The following ATM variants were observed in gnomAD, a reference collection of about 807,000 sequenced individuals.
The protein encoded by ATM is serine-protein kinase ATM.
In ATM, 308 loss-of-function variants were observed where a neutral mutation model predicts 387.0. That is an observed-to-expected ratio of 0.80 (90% CI 0.73 to 0.87). The LOEUF (loss-of-function observed/expected upper bound fraction) is 0.87, where lower values mean the gene tolerates loss of function less well. Among genes scored for constraint, ATM ranks in the 40% least tolerant of loss-of-function variants. ATM has a pLI of 0.00. For synonymous variants in ATM, 1,156 were observed against 1,187.3 expected (o/e 0.97, Z 0.54); for missense variants, 3,312 against 3,560.9 (o/e 0.93, Z 1.78).
Position 108,319,875 on chromosome 11 carries a change from C to T in ATM, c.6348-79C>T, listed in dbSNP as rs549855899. 5.6e-5 allele frequency: 55 copies of T among 990,510 alleles called. No individual in the cohort carries two copies. The South Asian group carries it at 7.9e-4, about 14-fold the overall frequency. The allele number at this position is 990,510 out of a possible 1,614,324, so 61.4% of individuals were successfully genotyped here. ...AGAAATGTTAATTTAAAAATTTTGT[C>T]CTTTGGTGAAGCTATTTATACATGT... On this transcript the variant is annotated intron_variant, in intron 43 of 62. Transcript: ENST00000675843.
In ATM at chr11:108,356,929, C is replaced by G. The variant is rs187840949; in HGVS notation, c.8850+2055C>G. Among the ~76,000 whole-genome samples the G allele has an allele frequency of 9.2e-5, 14 of 152,262 alleles. No homozygotes were observed. In the East Asian group the frequency reaches 2.7e-3, roughly 29 times the overall value. On this transcript the variant is annotated intron_variant, in intron 61 of 62. Coordinates refer to ENST00000675843, the MANE Select transcript of ATM (RefSeq NM_000051.4). ...TAACTGTCACCTTTAAACACACCCTCCGGGAGGAGGAGCCAAGATGGCCGA... is the reference window on the plus strand; with the variant it reads ...TAACTGTCACCTTTAAACACACCCTGCGGGAGGAGGAGCCAAGATGGCCGA...
intron 59 of ATM, among the ~76,000 whole-genome samples, chr11:108,349,112 G>A (rs1054214923): frequency 6.6e-6 from 1 of 152,172 alleles, no homozygotes; most frequent in Non-Finnish European, 1.5e-5. Context: ...CCTTGGAAAG[G>A]CTGAGCCAGA....
rs2135686331 is a variant in ATM, at chr11:108,282,706, G to A, written c.3577-4G>A. 6.2e-7 allele frequency: 1 copy of A among 1,612,036 alleles called. No individual in the cohort carries two copies. The highest frequency in any genetic ancestry group is 1.3e-5 in the African/African-American group (1 of 74,890). ...TTAACACATTGACTTTTTGGTTCGT[G>A]CAGGTTTTAGAGAAAGTTTCTGAAA... On this transcript the variant is annotated splice_region_variant and splice_polypyrimidine_tract_variant and intron_variant, in intron 24 of 62. Transcript: ENST00000675843.
chr11:108,244,692 G>GT (rs1221843492), intron 6 of ATM, 96 bp from the exon 7 acceptor site: 2,874 of 940,658 alleles, frequency 3.1e-3, no homozygotes, highest in Non-Finnish European at 3.8e-3. Flanking sequence ...TTAGGGTTTT[G>GT]TTTTTTTTTC....
At chr11:108,336,006 A>G (rs2086811343) in intron 56 of ATM, 45 bp downstream of exon 56, 1 of 1,472,898 alleles carries the variant, frequency 6.8e-7, no homozygotes, top group African/African-American at 1.4e-5. Flanking sequence ...CATATAAAAG[A>G]TGCCATTTGG....
chr11:108,366,046 A>AG lies in ATM; in HGVS notation c.*538_*539insG, dbSNP rs2091308924. On this transcript the variant is annotated 3_prime_UTR_variant, in exon 63 of 63. Transcript: ENST00000675843. ...CTCCATCTCAAAAAAAAAAAAAAAA[A>AG]AACAGAAACGTATTTGGATTTTTCC... 5.7e-6 allele frequency: 1 copy of AG among 176,052 alleles called. No individual in the cohort carries two copies. Among genetic ancestry groups the AG allele is most frequent in the Non-Finnish European group, 1.2e-5 (1 of 81,884 alleles). 10.9% of individuals were successfully genotyped at this position (176,052 alleles called of 1,614,324 possible).
intron 59 of ATM, among the ~76,000 whole-genome samples, chr11:108,353,551 A>G (rs2089461671): frequency 6.6e-6 from 1 of 152,208 alleles, no homozygotes; most frequent in African/African-American, 2.4e-5. Context: ...TAGTTGGGTT[A>G]AGAAGTAGTT....
At chr11:108,249,343 A>G (rs1438622511) in intron 9 of ATM, among the ~76,000 whole-genome samples, 2 of 152,184 alleles carry the variant, frequency 1.3e-5, no homozygotes, top group East Asian at 1.9e-4. Flanking sequence ...GCAAGTTAAG[A>G]AGGAGGACTG....
At chr11:108,334,870 TTC>T (rs1003348428) in intron 54 of ATM, 97 bp from the exon 55 acceptor site, 41 of 1,391,430 alleles carry the variant, frequency 2.9e-5, no homozygotes, top group Non-Finnish European at 3.7e-5. Context: ...CGTCATTTGT[TTC>T]TCTGTTTAAT....
Position 108,247,052 on chromosome 11 carries a change from A to G in ATM, c.990A>G (p.Gly330=), listed in dbSNP as rs1555068447. Residue 330 remains glycine, a synonymous_variant, in exon 8 of 63, where the codon GGA becomes GGG. Coordinates refer to ENST00000675843, the MANE Select transcript of ATM (RefSeq NM_000051.4). The part of the protein sequence containing the change: ...VNEISHIGSR[G]KYSSGFRNIA... ...AGATAAGTCATATAGGAAGTAGAGGAAAGTATTCTTCAGGATTTCGTAATA... is the reference window on the plus strand; with the variant it reads ...AGATAAGTCATATAGGAAGTAGAGGGAAGTATTCTTCAGGATTTCGTAATA... 2 of 1,613,848 alleles carry G rather than the reference A, an allele frequency of 1.2e-6. No homozygotes were observed. The highest frequency in any genetic ancestry group is 1.7e-6 in the Non-Finnish European group (2 of 1,179,810).
chr11:108,269,953 G>A (rs1038103876), intron 18 of ATM, among the ~76,000 whole-genome samples: 1 of 152,152 alleles, frequency 6.6e-6, no homozygotes, highest in African/African-American at 2.4e-5. Flanking sequence ...GATGTTTCAA[G>A]TCACTTCAGA....
chr11:108,302,307 C>G (rs567766674), intron 35 of ATM, among the ~76,000 whole-genome samples: 39 of 152,224 alleles, frequency 2.6e-4, no homozygotes, highest in Admixed American at 2.6e-3. Flanking sequence ...TTCCTCTTTA[C>G]TATCTTCTTT....
intron 22 of ATM, among the ~76,000 whole-genome samples, chr11:108,277,159 A>G (rs187438555): frequency 9.3e-4 from 142 of 152,182 alleles, no homozygotes; most frequent in Admixed American, 7.9e-3. Flanking sequence ...GGCTGTGTTT[A>G]TACTGTGAGG....
At position 108,325,532 on chromosome 11, in the gene ATM, C is replaced by G. The variant is rs3218699; in HGVS notation, c.6795C>G (p.Phe2265Leu). 1 of 1,601,744 alleles carries G rather than the reference C, an allele frequency of 6.2e-7. No homozygotes were observed. Among genetic ancestry groups the G allele is most frequent in the Non-Finnish European group, 8.5e-7 (1 of 1,170,898 alleles). ...LVELSILART[F>L]KNTQLPERAI... The stretch of plus-strand genomic sequence containing the variant: ...AACTCTCTATACTGGCCAGAACTTT[C>G]AAGAACACTCAGGTAAATACAATTT... The change falls in exon 46 of 63, where the codon TTC (phenylalanine) becomes TTG (leucine). Residue 2265 changes from phenylalanine (F) to leucine (L), a missense_variant. Physicochemically the swap from Phe to Leu is conservative, Grantham distance 22. Coordinates refer to ENST00000675843, the MANE Select transcript of ATM (RefSeq NM_000051.4).
rs185939871 is a variant in ATM at position 108,332,244 on chromosome 11, C to T, written c.7788+207C>T. On this transcript the variant is annotated intron_variant, in intron 52 of 62. Transcript: ENST00000675843. ...GAAGTTCGAGACCATCCTGGCTGAC[C>T]GACACAGCAAAACCCTGTCTCTACT... 7.3e-4 allele frequency among the ~76,000 whole-genome samples: 111 copies of T among 151,990 alleles called. 1 individual carries two copies. Among genetic ancestry groups the T allele is most frequent in the African/African-American group, 2.5e-3 (103 of 41,446 alleles).
At chr11:108,301,857 A>G (rs1317313510) in intron 35 of ATM, 68 bp downstream of exon 35, 7 of 1,540,700 alleles carry the variant, frequency 4.5e-6, no homozygotes, top group Non-Finnish European at 5.4e-6. Context: ...GCTGTGGGTC[A>G]TGACTGTTAA....
At chr11:108,330,795 T>TC (rs1455297313) in intron 50 of ATM, among the ~76,000 whole-genome samples, 2 of 152,122 alleles carry the variant, frequency 1.3e-5, no homozygotes, top group Non-Finnish European at 2.9e-5. Context: ...AGGTGGGTTT[T>TC]CCCCCTGCTG....
intron 51 of ATM, 145 bp downstream of exon 51, chr11:108,331,702 C>T: frequency 1.5e-6 from 2 of 1,318,080 alleles, no homozygotes; most frequent in Non-Finnish European, 2.1e-6. Flanking sequence ...ATAAGTTACT[C>T]ATTTTCTCTC....
intron 42 of ATM, 114 bp downstream of exon 42, chr11:108,316,227 T>TA (rs980953731): frequency 2.9e-5 from 30 of 1,039,148 alleles, no homozygotes; most frequent in Non-Finnish European, 4.3e-5. Flanking sequence ...GACTAGAACT[T>TA]ATCTGTTTTT....
Sources: allele counts gnomAD v4.1 joint callset (sites outside exome capture counted in the v4.1 genomes callset), GRCh38; gene constraint gnomAD v4.1.1; transcripts MANE v1.5; gene names NCBI Gene and HGNC (gene_info 2026-07-23, HGNC 2026-07-21).